SESTD1: variants seen among roughly 807,000 people sequenced by gnomAD.
SESTD1 encodes the protein SEC14 domain and spectrin repeat-containing protein 1.
In SESTD1, 43 loss-of-function variants were observed where a neutral mutation model predicts 101.7. The observed-to-expected ratio is 0.42, with a 90% confidence interval of 0.33 to 0.55. SESTD1 has a LOEUF of 0.55. Among genes scored for constraint, SESTD1 ranks in the 20% least tolerant of loss-of-function variants. SESTD1 has a pLI of 0.07. For missense variants in SESTD1, 647 were observed against 815.1 expected, an observed-to-expected ratio of 0.79 and a Z score of 2.51; for synonymous variants, 283 against 286.8, an observed-to-expected ratio of 0.99 and a Z score of 0.13.
At chr2:179,223,600 C>G (rs1190357690) in intron 1 of SESTD1, among the ~76,000 whole-genome samples, 7 of 151,636 alleles carry the variant, frequency 4.6e-5, no homozygotes, top group Admixed American at 4.6e-4. Flanking sequence ...AAATGAACTG[C>G]ATATGGTAAG....
At chr2:179,220,513 C>T (rs79028420) in intron 1 of SESTD1, among the ~76,000 whole-genome samples, 4,058 of 152,198 alleles carry the variant, frequency 0.027, 85 homozygotes, top group Admixed American at 0.035. Flanking sequence ...TTATCTACTG[C>T]CACAGTTCCC....
chr2:179,117,594 C>T lies in SESTD1; in HGVS notation c.1462G>A (p.Val488Met). The change falls in exon 14 of 18, where the codon GTG (valine) becomes ATG (methionine). Residue 488 changes from valine to methionine, a missense_variant. Physicochemically the swap from Val to Met is conservative, Grantham distance 21 (BLOSUM62 1). Transcript: ENST00000428443. Reference sequence around the variant, plus strand: ...ATCTGAAGCATCTTTAACCTTCGCACATCTACCATGTCTTCACATCTAATG... The same window carrying T: ...ATCTGAAGCATCTTTAACCTTCGCATATCTACCATGTCTTCACATCTAATG... ...RKQRCEDMVD[V>M]RRLKMLQMVQ... The T allele has an allele frequency of 6.3e-7, 1 of 1,581,344 alleles. No homozygotes were observed. Among genetic ancestry groups the T allele is most frequent in the Non-Finnish European group, 8.6e-7 (1 of 1,169,548 alleles).
intron 9 of SESTD1, among the ~76,000 whole-genome samples, chr2:179,142,797 C>T (rs1191477956): frequency 6.6e-6 from 1 of 152,178 alleles, no homozygotes; most frequent in Non-Finnish European, 1.5e-5. Context: ...CCCATAACCT[C>T]TCAGTCATGT....
rs150289495 is a variant in SESTD1 at position 179,214,229 on chromosome 2, G to A, written c.-25-22363C>T. On this transcript the variant is annotated intron_variant, in intron 1 of 17. Transcript: ENST00000428443. ...AGACCCATCAGTGTGCTGTATTCAGGAGACCCATCTCACATGTAGAGGCAC... is the reference window on the plus strand; with the variant it reads ...AGACCCATCAGTGTGCTGTATTCAGAAGACCCATCTCACATGTAGAGGCAC... Among the ~76,000 whole-genome samples, 682 of 134,300 alleles carry A rather than the reference G, an allele frequency of 5.1e-3. 162 individuals carry two copies. Among genetic ancestry groups the A allele is most frequent in the African/African-American group, 0.019 (645 of 33,836 alleles). The allele number at this position is 134,300 out of a possible 152,430, so 88.1% of individuals were successfully genotyped here.
chr2:179,112,088 T>A (rs560094263), intron 17 of SESTD1, among the ~76,000 whole-genome samples: 1 of 152,322 alleles, frequency 6.6e-6, no homozygotes, highest in South Asian at 2.1e-4. Flanking sequence ...TTATCACTAT[T>A]TGAAATGGAA....
At chr2:179,191,710 T>A in intron 2 of SESTD1, 77 bp downstream of exon 2, 1 of 1,170,246 alleles carries the variant, frequency 8.5e-7, no homozygotes, top group South Asian at 1.4e-5. Flanking sequence ...AAAAAATGCA[T>A]CTGTCATACT....
In SESTD1 at chr2:179,204,695, T is replaced by G. The variant is rs181801291; in HGVS notation, c.-25-12829A>C. Among the ~76,000 whole-genome samples the G allele has an allele frequency of 2.2e-5, 3 of 135,576 alleles. 1 individual carries two copies. The highest frequency in any genetic ancestry group is 4.8e-5 in the Non-Finnish European group (3 of 62,976). The allele number at this position is 135,576 out of a possible 152,430, so 88.9% of individuals were successfully genotyped here. ...ACATGCATACAGACATGCCACTGCC[T>G]TGATTCATGCTAAGGCACCAGCACT... is the stretch of plus-strand genomic sequence containing the variant. On this transcript the variant is annotated intron_variant, in intron 1 of 17. Transcript: ENST00000428443.
chr2:179,263,172 A>T (rs2047506396), intron 1 of SESTD1, among the ~76,000 whole-genome samples: 1 of 152,134 alleles, frequency 6.6e-6, no homozygotes, highest in Admixed American at 6.6e-5. Flanking sequence ...TCCTTGGGGA[A>T]TTTTTTCACG....
chr2:179,109,628 C>T lies in SESTD1; in HGVS notation c.*271G>A. The T allele has an allele frequency of 2.2e-6, 1 of 449,524 alleles. No homozygotes were observed. Among genetic ancestry groups the T allele is most frequent in the South Asian group, 7.2e-5 (1 of 13,968 alleles). The allele number at this position is 449,524 out of a possible 1,614,324, so 27.8% of individuals were successfully genotyped here. A position where few individuals can be genotyped will look rare whatever the true frequency, so the allele number is the denominator to read the frequency against. The stretch of plus-strand genomic sequence containing the variant: ...TTATTATCAGTTGTTTGTCTACAAA[C>T]TGACAGGTCAGGTAAAGCTTTAAAG... On this transcript the variant is annotated 3_prime_UTR_variant, in exon 18 of 18. Coordinates refer to ENST00000428443, the MANE Select transcript of SESTD1 (RefSeq NM_178123.5).
intron 1 of SESTD1, among the ~76,000 whole-genome samples, chr2:179,224,070 C>T (rs978271498): frequency 4.0e-5 from 6 of 151,822 alleles, no homozygotes; most frequent in Non-Finnish European, 7.4e-5. Context: ...TTTTGTATTC[C>T]CTAAAAATAA....
At chr2:179,114,924 T>A in intron 16 of SESTD1, 141 bp downstream of exon 16, 1 of 730,720 alleles carries the variant, frequency 1.4e-6, no homozygotes, top group Non-Finnish European at 2.2e-6. Context: ...CAATGTATTA[T>A]ATCTAAACAA....
intron 5 of SESTD1, among the ~76,000 whole-genome samples, chr2:179,163,042 TA>T (rs1232145239): frequency 1.3e-5 from 2 of 151,594 alleles, no homozygotes; most frequent in Non-Finnish European, 2.9e-5. Flanking sequence ...ACGAGATTGA[TA>T]TATTTCCGTC....
chr2:179,140,339 G>A (rs531872611), intron 9 of SESTD1, among the ~76,000 whole-genome samples: 64 of 152,106 alleles, frequency 4.2e-4, no homozygotes, highest in African/African-American at 1.4e-3. Flanking sequence ...TCTTTAGGGT[G>A]GGCCCAATCT....
At chr2:179,227,955 C>A (rs1035944634) in intron 1 of SESTD1, among the ~76,000 whole-genome samples, 1 of 152,096 alleles carries the variant, frequency 6.6e-6, no homozygotes, top group Non-Finnish European at 1.5e-5. Context: ...GGGTGATATG[C>A]CAAAATTATT....
intron 1 of SESTD1, among the ~76,000 whole-genome samples, chr2:179,257,521 T>C (rs889110796): frequency 4.6e-5 from 7 of 152,228 alleles, no homozygotes; most frequent in African/African-American, 1.7e-4. Context: ...TTGAGATATT[T>C]GCTTTACTGT....
chr2:179,236,820 T>A (rs746179617), intron 1 of SESTD1, among the ~76,000 whole-genome samples: 1 of 151,494 alleles, frequency 6.6e-6, no homozygotes, highest in Non-Finnish European at 1.5e-5. Context: ...GTTCACAGGC[T>A]TTACAATCAT....
At chr2:179,232,439 G>C (rs112647637) in intron 1 of SESTD1, among the ~76,000 whole-genome samples, 4,514 of 151,148 alleles carry the variant, frequency 0.03, 97 homozygotes, top group Admixed American at 0.036. Flanking sequence ...CAAAATCCTG[G>C]AATTTTTTTA....
chr2:179,230,113 C>CTTTTTTTTTTTTTTTTTTTTT lies in SESTD1; in HGVS notation c.-26+34365_-26+34385dup, dbSNP rs71023474. On this transcript the variant is annotated intron_variant, in intron 1 of 17. Coordinates refer to ENST00000428443, the MANE Select transcript of SESTD1 (RefSeq NM_178123.5). ...AAATATTCCAAACTGGATTGTATCTCTTTTTTTTTTTTTTTTTTTTTTTTT... is the reference window on the plus strand; with the variant it reads ...AAATATTCCAAACTGGATTGTATCTCTTTTTTTTTTTTTTTTTTTTTTTTTTTTTTTTTTTTTTTTTTTTTT... 1.2e-4 allele frequency among the ~76,000 whole-genome samples: 7 copies of CTTTTTTTTTTTTTTTTTTTTT among 56,420 alleles called. 1 individual carries two copies. The highest frequency in any genetic ancestry group is 8.8e-4 in the East Asian group (1 of 1,138). 37.0% of individuals were successfully genotyped at this position (56,420 alleles called of 152,430 possible).
intron 16 of SESTD1, among the ~76,000 whole-genome samples, chr2:179,114,539 T>C (rs889314393): frequency 6.6e-6 from 1 of 152,244 alleles, no homozygotes; most frequent in Non-Finnish European, 1.5e-5. Flanking sequence ...ATTTTTTGTT[T>C]CTGAAATTAA....
Sources: gnomAD v4.1 joint callset for allele counts (sites outside exome capture counted in the v4.1 genomes callset) on GRCh38, gnomAD v4.1.1 for gene constraint, MANE v1.5 for transcripts, NCBI Gene and HGNC (gene_info 2026-07-23, HGNC 2026-07-21) for gene names.